SPTBN1: variants seen among roughly 807,000 people sequenced by gnomAD.
The protein encoded by SPTBN1 is spectrin beta, non-erythrocytic 1, also known as spectrin beta chain, non-erythrocytic 1.
SPTBN1 carries 32 observed loss-of-function variants against 266.4 expected under a neutral mutation model. The observed-to-expected ratio is 0.12, with a 90% CI of 0.09 to 0.16. SPTBN1 has a LOEUF of 0.16. Among genes scored for constraint, SPTBN1 ranks in the 10% least tolerant of loss-of-function variants. The probability of loss-of-function intolerance (pLI) is 1.00; values close to 1 mark genes in which losing one functional copy is unlikely to be tolerated. For missense variants in SPTBN1, 2,296 were observed against 3,067.1 expected, an observed-to-expected ratio of 0.75 and a Z score of 5.94; for synonymous variants, 1,336 against 1,162.2, an observed-to-expected ratio of 1.15 and a Z score of -3.04.
intron 2 of SPTBN1, among the ~76,000 whole-genome samples, chr2:54,551,866 A>ATAGT (rs1306028450): frequency 6.6e-6 from 1 of 152,148 alleles, no homozygotes; most frequent in Non-Finnish European, 1.5e-5. Flanking sequence ...GAACTATCAA[A>ATAGT]TCTGACAGCC....
chr2:54,532,373 T>C (rs1452434456), intron 2 of SPTBN1, among the ~76,000 whole-genome samples: 1 of 152,238 alleles, frequency 6.6e-6, no homozygotes, highest in Non-Finnish European at 1.5e-5. Context: ...TTTATAGATA[T>C]CCAAAATATA....
chr2:54,603,679 G>A (rs1488194966), intron 3 of SPTBN1, among the ~76,000 whole-genome samples: 2 of 152,222 alleles, frequency 1.3e-5, no homozygotes, highest in African/African-American at 4.8e-5. Context: ...AAAGTTTCAT[G>A]TGTTGGGAGG....
At chr2:54,611,833 ATTGT>A (rs1371868331) in intron 3 of SPTBN1, among the ~76,000 whole-genome samples, 1 of 152,200 alleles carries the variant, frequency 6.6e-6, no homozygotes, top group Non-Finnish European at 1.5e-5. Flanking sequence ...AAAAAAAAAA[ATTGT>A]ATGGATGGCA....
intron 1 of SPTBN1, among the ~76,000 whole-genome samples, chr2:54,460,404 TATAC>T (rs1229784397): frequency 6.6e-6 from 1 of 152,230 alleles, no homozygotes; most frequent in Non-Finnish European, 1.5e-5. Flanking sequence ...AAGAGTCCTA[TATAC>T]CATGGTTTAT....
In SPTBN1 at chr2:54,649,079, A is replaced by T; in HGVS notation, c.5091A>T (p.Arg1697Ser). The T allele has an allele frequency of 6.2e-7, 1 of 1,614,222 alleles. No homozygotes were observed. The highest frequency in any genetic ancestry group is 1.1e-5 in the South Asian group (1 of 91,086). Residue 1697 changes from arginine (R) to serine (S), a missense_variant, in exon 25 of 36, where the codon AGA becomes AGT. Physicochemically the swap from Arg to Ser is moderately radical, Grantham distance 110. Transcript: ENST00000356805. The surrounding 1 kb of genome is among the most constrained non-coding windows in gnomAD (Gnocchi z 6.7). The stretch of plus-strand genomic sequence containing the variant: ...AGAGAAGAGGCAAGCTGGATGAGAG[A>T]CACAGGTTATTCCAGCTCAACCGGG... ...AEERRGKLDERHRLFQLNREV... is the reference protein window; with the variant it reads ...AEERRGKLDESHRLFQLNREV...
intron 1 of SPTBN1, among the ~76,000 whole-genome samples, chr2:54,460,996 C>G (rs1411009372): frequency 6.6e-6 from 1 of 152,154 alleles, no homozygotes; most frequent in African/African-American, 2.4e-5. Flanking sequence ...GAGCGAGACT[C>G]TGTCTCAAAA....
In SPTBN1 at chr2:54,614,035, G is replaced by A. The variant is rs185087554; in HGVS notation, c.474+1701G>A. Among the ~76,000 whole-genome samples the A allele has an allele frequency of 5.0e-4, 76 of 152,216 alleles. 1 individual carries two copies. The East Asian group carries it at 0.012, about 24-fold the overall frequency. ...ATTGCTTTGAGTCATTGACTAATTC[G>A]CTTCCTGCCAGTTTGCATATTCCTA... On this transcript the variant is annotated intron_variant, in intron 4 of 35. Coordinates refer to ENST00000356805, the MANE Select transcript of SPTBN1 (RefSeq NM_003128.3).
intron 18 of SPTBN1, among the ~76,000 whole-genome samples, chr2:54,638,142 A>G (rs1679278155): frequency 6.6e-6 from 1 of 152,226 alleles, no homozygotes; most frequent in Non-Finnish European, 1.5e-5. Flanking sequence ...TTCCATCACT[A>G]GCTGTATTTT....
At chr2:54,635,599 G>T (rs184341666) in intron 17 of SPTBN1, among the ~76,000 whole-genome samples, 1 of 152,236 alleles carries the variant, frequency 6.6e-6, no homozygotes, top group East Asian at 1.9e-4. Context: ...AATCTTTCCA[G>T]TGTTTGAAGT....
intron 2 of SPTBN1, among the ~76,000 whole-genome samples, chr2:54,568,406 C>T (rs1233675239): frequency 6.7e-6 from 1 of 150,072 alleles, no homozygotes. Context: ...GTAATGGTGT[C>T]TGCCTTCTAA....
At chr2:54,474,625 T>C (rs1037208636) in intron 1 of SPTBN1, among the ~76,000 whole-genome samples, 17 of 152,162 alleles carry the variant, frequency 1.1e-4, no homozygotes, top group African/African-American at 4.1e-4. Flanking sequence ...TACCTTCTAA[T>C]AACATGGGAA....
chr2:54,488,657 A>C (rs1008565989), intron 1 of SPTBN1, among the ~76,000 whole-genome samples: 5 of 152,018 alleles, frequency 3.3e-5, no homozygotes, highest in African/African-American at 4.8e-5. Context: ...TTTGTGATTT[A>C]GTTTCCCCTC....
At chr2:54,600,702 GTTTA>G (rs1366276241) in intron 3 of SPTBN1, among the ~76,000 whole-genome samples, 1 of 139,198 alleles carries the variant, frequency 7.2e-6, no homozygotes, top group Non-Finnish European at 1.5e-5. Context: ...AACCTAGTAT[GTTTA>G]TTTATTGATT....
In SPTBN1 at chr2:54,529,852, C is replaced by CAAA. The variant is rs61316795; in HGVS notation, c.148+3316_148+3318dup. ...TCTAAATATACATATCTCTTTTCAC[C>CAAA]AAAAAAAAAAAAAAAAAAAAAAAAA... On this transcript the variant is annotated intron_variant, in intron 2 of 35. Transcript: ENST00000356805. 1.6e-3 allele frequency: 99 copies of CAAA among 62,266 alleles called. 4 individuals carry two copies. Among genetic ancestry groups the CAAA allele is most frequent in the African/African-American group, 5.8e-3 (64 of 11,020 alleles). The allele number at this position is 62,266 out of a possible 1,614,324, so 3.9% of individuals were successfully genotyped here.
chr2:54,625,879 C>T (rs918536163), intron 11 of SPTBN1, 53 bp from the exon 12 acceptor site: 36 of 1,559,732 alleles, frequency 2.3e-5, no homozygotes, highest in Non-Finnish European at 3.0e-5. Context: ...GCATGAGCTA[C>T]TGTGCCCGGG....
At position 54,665,139 on chromosome 2, in the gene SPTBN1, G is replaced by A. The variant is rs184076614; in HGVS notation, c.6659+448G>A. 5.9e-5 allele frequency among the ~76,000 whole-genome samples: 9 copies of A among 151,724 alleles called. No individual in the cohort carries two copies. The East Asian group carries it at 9.6e-4, about 16-fold the overall frequency. On this transcript the variant is annotated intron_variant, in intron 33 of 35. Transcript: ENST00000356805. ...CAGATGGGGAACAGAGGCTCTGAGC[G>A]GTTAACAAAGCTTTCTTTCTGTGGA...
Position 54,533,928 on chromosome 2 carries a change from G to A in SPTBN1, c.148+7362G>A, listed in dbSNP as rs995249919. Among the ~76,000 whole-genome samples the A allele has an allele frequency of 1.7e-4, 24 of 144,590 alleles. No individual in the cohort carries two copies. Among genetic ancestry groups the A allele is most frequent in the African/African-American group, 6.1e-4 (24 of 39,336 alleles). 94.9% of individuals were successfully genotyped at this position (144,590 alleles called of 152,430 possible). The stretch of plus-strand genomic sequence containing the variant: ...CACACACACACACACACACACACAC[G>A]CACGCACGCACACAAACACACACAC... On this transcript the variant is annotated intron_variant, in intron 2 of 35. Coordinates refer to ENST00000356805, the MANE Select transcript of SPTBN1 (RefSeq NM_003128.3). The surrounding 1 kb of genome is among the most constrained non-coding windows in gnomAD (Gnocchi z 4.2).
In SPTBN1 at chr2:54,646,394, G is replaced by A. The variant is rs910583777; in HGVS notation, c.4785G>A (p.Gln1595=). The change falls in exon 23 of 36, where the codon CAG becomes CAA. Residue 1595 remains glutamine (Q), a synonymous_variant. Coordinates refer to ENST00000356805, the MANE Select transcript of SPTBN1 (RefSeq NM_003128.3). The surrounding 1 kb of genome is among the most constrained non-coding windows in gnomAD (Gnocchi z 4.4). ...HRRLEEAHRA[Q]QYYFDAAEAE... ...GGCTGGAGGAGGCGCACAGGGCCCAGCAGTACTACTTTGACGCTGCTGAGG... is the reference window on the plus strand; with the variant it reads ...GGCTGGAGGAGGCGCACAGGGCCCAACAGTACTACTTTGACGCTGCTGAGG... 3.7e-6 allele frequency: 6 copies of A among 1,611,540 alleles called. No homozygotes were observed. In the African/African-American group the frequency reaches 6.7e-5, roughly 18 times the overall value.
chr2:54,573,381 A>G (rs1199891996), intron 2 of SPTBN1, among the ~76,000 whole-genome samples: 1 of 152,188 alleles, frequency 6.6e-6, no homozygotes, highest in East Asian at 1.9e-4. Flanking sequence ...CTTTGCATGC[A>G]CAGTTCATGA....
Sources: gnomAD v4.1 joint callset for allele counts (sites outside exome capture counted in the v4.1 genomes callset) on GRCh38, gnomAD v4.1.1 for gene constraint, Gnocchi (gnomAD v3.1) non-coding constraint, MANE v1.5 for transcripts, NCBI Gene and HGNC (gene_info 2026-07-23, HGNC 2026-07-21) for gene names.